ZNF541: variants seen among roughly 807,000 people sequenced by gnomAD.
ZNF541 encodes the protein zinc finger protein 541.
In ZNF541, 23 loss-of-function variants were observed where a neutral mutation model predicts 123.5. The ratio of observed to expected loss-of-function variants is 0.19; its 90% CI spans 0.13 to 0.26. ZNF541 has a LOEUF of 0.26. Among genes scored for constraint, ZNF541 ranks in the 10% least tolerant of loss-of-function variants. ZNF541 has a pLI of 1.00. For missense variants in ZNF541, 1,612 were observed against 1,789.9 expected (o/e 0.90, Z 1.79); for synonymous variants, 751 against 754.5 (o/e 1.00, Z 0.08).
At chr19:47,571,270 A>C (rs1971468697) in intron 2 of ZNF541, among the ~76,000 whole-genome samples, 1 of 151,962 alleles carries the variant, frequency 6.6e-6, no homozygotes, top group African/African-American at 2.4e-5. Flanking sequence ...CTGCCACCAC[A>C]TCCAACTAAT....
intron 14 of ZNF541, 32 bp downstream of exon 14, chr19:47,528,918 G>C: frequency 6.6e-7 from 1 of 1,524,980 alleles, no homozygotes; most frequent in South Asian, 1.2e-5. Context: ...GTGTGAGGCA[G>C]GGCCTTGGAC....
In ZNF541 at chr19:47,545,632, G is replaced by A; in HGVS notation, c.897C>T (p.Asp299=). ...SPGPAPAGAS[D]SEGRNTACPC... Reference sequence around the variant, plus strand: ...GACAGGCAGTGTTCCTCCCTTCGCTGTCTGAAGCCCCCGCCGGGGCTGGGC... The same window carrying A: ...GACAGGCAGTGTTCCTCCCTTCGCTATCTGAAGCCCCCGCCGGGGCTGGGC... Residue 299 remains aspartate, a synonymous_variant, in exon 5 of 17, where the codon GAC becomes GAT. Coordinates refer to ENST00000391901, the MANE Select transcript of ZNF541 (RefSeq NM_001277075.3). This position sits in a 1 kb window ranked among gnomAD's most constrained non-coding sequence, Gnocchi z 7.5. 1.3e-6 allele frequency: 2 copies of A among 1,549,970 alleles called. No individual in the cohort carries two copies. Among genetic ancestry groups the A allele is most frequent in the Non-Finnish European group, 1.7e-6 (2 of 1,146,656 alleles).
Position 47,545,123 on chromosome 19 carries a change from T to C in ZNF541, c.1406A>G (p.Glu469Gly). ...CGCGGCAGGGAAGGGCAGAGCATCC[T>C]CCAGGCCACCGCCGGGGCCGGGCGG... ...ESPPGPGGGL[E>G]DALPFPAALL... Residue 469 changes from glutamate to glycine, a missense_variant, in exon 5 of 17, where the codon GAG becomes GGG. By Grantham distance (98) the Glu-to-Gly change is moderately conservative (BLOSUM62 -2). Coordinates refer to ENST00000391901, the MANE Select transcript of ZNF541 (RefSeq NM_001277075.3). This position sits in a 1 kb window ranked among gnomAD's most constrained non-coding sequence, Gnocchi z 7.5. The C allele has an allele frequency of 1.3e-6, 2 of 1,482,756 alleles. No individual in the cohort carries two copies. The highest frequency in any genetic ancestry group is 2.3e-5 in the Admixed American group (1 of 43,606). 91.8% of individuals were successfully genotyped at this position (1,482,756 alleles called of 1,614,324 possible).
In ZNF541 at chr19:47,521,091, T is replaced by C. The variant is rs1969001440; in HGVS notation, c.*133A>G. ...CCTATCTGTGGCCAAATGCCCTCCA[T>C]GTTTGCAGGCAGGTTGGCCAACAGG... is the stretch of plus-strand genomic sequence containing the variant. On this transcript the variant is annotated 3_prime_UTR_variant, in exon 17 of 17. Coordinates refer to ENST00000391901, the MANE Select transcript of ZNF541 (RefSeq NM_001277075.3). This position sits in a 1 kb window ranked among gnomAD's most constrained non-coding sequence, Gnocchi z 4.2. The C allele has an allele frequency of 8.6e-7, 1 of 1,159,380 alleles. No homozygotes were observed. The allele number at this position is 1,159,380 out of a possible 1,614,324, so 71.8% of individuals were successfully genotyped here.
At chr19:47,556,693 C>A (rs1274953576) in intron 2 of ZNF541, among the ~76,000 whole-genome samples, 1 of 151,494 alleles carries the variant, frequency 6.6e-6, no homozygotes, top group Non-Finnish European at 1.5e-5. Flanking sequence ...AAACTTTGTA[C>A]CCAAAAAAGT....
intron 2 of ZNF541, among the ~76,000 whole-genome samples, chr19:47,557,451 T>A (rs529553082): frequency 6.6e-6 from 1 of 152,146 alleles, no homozygotes; most frequent in Admixed American, 6.5e-5. Flanking sequence ...GGCAAACTTC[T>A]CAACAGAAAC....
Position 47,540,962 on chromosome 19 carries a change from A to C in ZNF541, c.2404-11T>G. On this transcript the variant is annotated splice_polypyrimidine_tract_variant and intron_variant, in intron 5 of 16. Transcript: ENST00000391901. ...GTAGATGTTTCCACCCTGAAGATGA[A>C]AATGCATCTGAACCAACACATCCAA... 1 of 1,550,244 alleles carries C rather than the reference A, an allele frequency of 6.5e-7. No homozygotes were observed. Among genetic ancestry groups the C allele is most frequent in the Admixed American group, 2.0e-5 (1 of 50,728 alleles).
At chr19:47,540,986 A>C (rs2974239) in intron 5 of ZNF541, 35 bp from the exon 6 acceptor site, 1 of 1,544,518 alleles carries the variant, frequency 6.5e-7, no homozygotes, top group South Asian at 1.2e-5. Flanking sequence ...CAACACATCC[A>C]AAATGAAGAG....
chr19:47,567,583 C>T (rs946583631), intron 2 of ZNF541, among the ~76,000 whole-genome samples: 3 of 152,190 alleles, frequency 2.0e-5, no homozygotes, highest in Admixed American at 1.3e-4. Context: ...CAGGTACAAG[C>T]GGCTAATGGC....
At chr19:47,533,834 AAAAAAAT>A (rs1039803597) in intron 9 of ZNF541, among the ~76,000 whole-genome samples, 6 of 152,288 alleles carry the variant, frequency 3.9e-5, no homozygotes, top group African/African-American at 1.2e-4. Context: ...ATTCCATCTC[AAAAAAAT>A]AAAAAATAAA....
In ZNF541 at chr19:47,545,821, G is replaced by C. The variant is rs748731735; in HGVS notation, c.708C>G (p.Cys236Trp). Residue 236 changes from cysteine (C) to tryptophan (W), a missense_variant, in exon 5 of 17, where the codon TGC (cysteine) becomes TGG (tryptophan). Transcript: ENST00000391901. The surrounding 1 kb of genome is among the most constrained non-coding windows in gnomAD (Gnocchi z 7.5). Reference protein sequence around the residue: ...LKEAPPEEEACGDSPHAHESA... With the variant: ...LKEAPPEEEAWGDSPHAHESA... The stretch of plus-strand genomic sequence containing the variant: ...ACTCGTGGGCGTGGGGGGAGTCCCC[G>C]CAGGCCTCTTCCTCCGGGGGGGCTT... The C allele has an allele frequency of 3.8e-5, 59 of 1,547,390 alleles. No homozygotes were observed. Among genetic ancestry groups the C allele is most frequent in the Non-Finnish European group, 8.7e-7 (1 of 1,145,826 alleles).
intron 9 of ZNF541, among the ~76,000 whole-genome samples, chr19:47,534,762 C>T (rs1279574605): frequency 1.3e-5 from 2 of 152,024 alleles, no homozygotes; most frequent in East Asian, 3.8e-4. Flanking sequence ...TAGAATTGAA[C>T]ACCCAGAAAT....
At chr19:47,570,203 G>A (rs1191739869) in intron 2 of ZNF541, among the ~76,000 whole-genome samples, 5 of 151,768 alleles carry the variant, frequency 3.3e-5, no homozygotes, top group African/African-American at 1.2e-4. Context: ...GAACCCAGGA[G>A]GTAGAGCTTG....
Position 47,555,804 on chromosome 19 carries a change from A to T in ZNF541, c.53T>A (p.Leu18His). Residue 18 changes from leucine to histidine, a missense_variant, in exon 3 of 17, where the codon CTC becomes CAC. Around this residue, in one of 5 missense-constraint regions of ZNF541, gnomAD observed 212 missense variants for 289.6 expected, o/e 0.73. Transcript: ENST00000391901. ...DEGALPSEMHLPSFSESQGLN... is the reference protein window; with the variant it reads ...DEGALPSEMHHPSFSESQGLN... ...CCCTTGGCTCTCTGAAAATGAAGGG[A>T]GGTGCATTTCTGATGGGAGGGCACC... 1 of 1,551,534 alleles carries T rather than the reference A, an allele frequency of 6.4e-7. No homozygotes were observed.
chr19:47,545,725 G>T lies in ZNF541; in HGVS notation c.804C>A (p.Leu268=). The change falls in exon 5 of 17, where the codon CTC becomes CTA. Residue 268 remains leucine, a synonymous_variant. Transcript: ENST00000391901. This position sits in a 1 kb window ranked among gnomAD's most constrained non-coding sequence, Gnocchi z 7.5. The part of the protein sequence containing the change: ...VPPEARSPGS[L]LPHRDLLRRI... ...GGCGCAGGAGGTCCCGGTGGGGCAG[G>T]AGGGAGCCGGGGGACCTGGCCTCTG... 1 of 1,546,184 alleles carries T rather than the reference G, an allele frequency of 6.5e-7. No individual in the cohort carries two copies. Among genetic ancestry groups the T allele is most frequent in the Non-Finnish European group, 8.7e-7 (1 of 1,146,638 alleles).
At position 47,532,010 on chromosome 19, in the gene ZNF541, G is replaced by A. The variant is rs543616874; in HGVS notation, c.3301+118C>T. On this transcript the variant is annotated intron_variant, in intron 11 of 16. Transcript: ENST00000391901. ...TGGCCAAGAGCCAGCTCCCTCCCAC[G>A]CCCAGGGGACACTACTTGGATCTAG... 5.2e-5 allele frequency: 71 copies of A among 1,365,640 alleles called. No homozygotes were observed. The East Asian group carries it at 5.8e-4, about 11-fold the overall frequency. The allele number at this position is 1,365,640 out of a possible 1,614,324, so 84.6% of individuals were successfully genotyped here.
chr19:47,531,067 C>T (rs903158993), intron 12 of ZNF541, among the ~76,000 whole-genome samples: 1 of 152,082 alleles, frequency 6.6e-6, no homozygotes, highest in African/African-American at 2.4e-5. Flanking sequence ...ATATGTACTG[C>T]CACTCTGCTG....
chr19:47,556,160 T>C (rs993792535), intron 2 of ZNF541, among the ~76,000 whole-genome samples: 3 of 152,156 alleles, frequency 2.0e-5, no homozygotes, highest in African/African-American at 7.2e-5. Flanking sequence ...CTTCACAAGG[T>C]TGTTGTAACA....
Position 47,545,130 on chromosome 19 carries a change from C to T in ZNF541, c.1399G>A (p.Gly467Ser), listed in dbSNP as rs1970275971. ...GGGAAGGGCAGAGCATCCTCCAGGC[C>T]ACCGCCGGGGCCGGGCGGGGACTCC... ...SEESPPGPGG[G>S]LEDALPFPAA... is the part of the protein sequence containing the mutation. Residue 467 changes from glycine (G) to serine (S), a missense_variant, in exon 5 of 17, where the codon GGC (glycine) becomes AGC (serine). Gly to Ser is a moderately conservative substitution (Grantham distance 56). Around this residue, in one of 5 missense-constraint regions of ZNF541, gnomAD observed 1,080 missense variants for 1,013.8 expected, o/e 1.07. Transcript: ENST00000391901. This position sits in a 1 kb window ranked among gnomAD's most constrained non-coding sequence, Gnocchi z 7.5. 3.4e-6 allele frequency: 5 copies of T among 1,482,878 alleles called. No homozygotes were observed. Among genetic ancestry groups the T allele is most frequent in the Non-Finnish European group, 4.5e-6 (5 of 1,117,836 alleles). 91.9% of individuals were successfully genotyped at this position (1,482,878 alleles called of 1,614,324 possible). A position where few individuals can be genotyped will look rare whatever the true frequency, so the allele number is the denominator to read the frequency against.
Sources: allele counts gnomAD v4.1 joint callset (sites outside exome capture counted in the v4.1 genomes callset), GRCh38; gene constraint gnomAD v4.1.1; regional missense constraint gnomAD v4.1.1; non-coding constraint Gnocchi (gnomAD v3.1); transcripts MANE v1.5; gene names NCBI Gene and HGNC (gene_info 2026-07-23, HGNC 2026-07-21).